ZYG11B: variants seen among roughly 807,000 people sequenced by gnomAD.
ZYG11B encodes protein zyg-11 homolog B.
ZYG11B carries 36 observed loss-of-function variants against 82.4 expected under a neutral mutation model. The ratio of observed to expected loss-of-function variants is 0.44; its 90% CI spans 0.33 to 0.58. The LOEUF (loss-of-function observed/expected upper bound fraction) is 0.58, where lower values mean the gene tolerates loss of function less well. Among genes scored for constraint, ZYG11B ranks in the 20% least tolerant of loss-of-function variants. The pLI, the probability that ZYG11B is intolerant of heterozygous loss-of-function variation, is 0.02. For missense variants in ZYG11B, 552 were observed against 895.6 expected, an observed-to-expected ratio of 0.62 and a Z score of 4.90; for synonymous variants, 303 against 312.8, an observed-to-expected ratio of 0.97 and a Z score of 0.33.
rs368771628 is a variant in ZYG11B, at chr1:52,744,839, TCA to T, written c.31-11618_31-11617del. Among the ~76,000 whole-genome samples the T allele has an allele frequency of 9.2e-4, 140 of 151,992 alleles. 1 individual carries two copies. Among genetic ancestry groups the T allele is most frequent in the African/African-American group, 3.3e-3 (138 of 41,476 alleles). On this transcript the variant is annotated intron_variant, in intron 1 of 13. Coordinates refer to ENST00000294353, the MANE Select transcript of ZYG11B (RefSeq NM_024646.3). ...CAGCCTGGCAGAGCGAGACTCCATA[TCA>T]AAAAAAAAATATATTTCTAGAGAAG...
intron 2 of ZYG11B, among the ~76,000 whole-genome samples, chr1:52,762,195 C>T (rs1233795775): frequency 6.8e-6 from 1 of 147,000 alleles, no homozygotes; most frequent in African/African-American, 2.5e-5. Flanking sequence ...TGTCTATGTT[C>T]GTTTTTGTTG....
chr1:52,796,868 T>C (rs1645010554), intron 8 of ZYG11B, 84 bp downstream of exon 8: 2 of 169,256 alleles, frequency 1.2e-5, no homozygotes, highest in Non-Finnish European at 2.2e-5. Context: ...TCTGACATTT[T>C]TTATATATAT....
intron 2 of ZYG11B, among the ~76,000 whole-genome samples, chr1:52,765,789 C>T (rs1411586057): frequency 3.9e-5 from 6 of 152,142 alleles, no homozygotes; most frequent in Non-Finnish European, 7.4e-5. Flanking sequence ...AAGCATGAGC[C>T]ACTGTGCCTG....
chr1:52,745,751 A>G (rs760651585), intron 1 of ZYG11B, among the ~76,000 whole-genome samples: 42 of 151,648 alleles, frequency 2.8e-4, no homozygotes, highest in Admixed American at 4.6e-4. Context: ...TTTAGTAGAG[A>G]TGGGGTTTCA....
intron 6 of ZYG11B, 23 bp downstream of exon 6, chr1:52,790,090 A>C: frequency 6.5e-7 from 1 of 1,528,144 alleles, no homozygotes; most frequent in East Asian, 2.3e-5. Context: ...TCTAGAACTT[A>C]AAGTGGGGCA....
intron 12 of ZYG11B, 47 bp from the exon 13 acceptor site, chr1:52,816,485 C>T (rs370199175): frequency 9.7e-6 from 13 of 1,337,974 alleles, no homozygotes; most frequent in African/African-American, 3.0e-5. Flanking sequence ...TAGGAAATTA[C>T]GCTAAATATG....
chr1:52,796,495 T>A (rs917294883), intron 7 of ZYG11B, 104 bp downstream of exon 7: 2 of 1,032,718 alleles, frequency 1.9e-6, no homozygotes, highest in East Asian at 2.6e-5. Context: ...TAAATCTCTC[T>A]GCCAGCCTGC....
rs1293809937 is a variant in ZYG11B at position 52,776,229 on chromosome 1, A to AATATATATATATATATATATATATAT, written c.952-3608_952-3607insATATATATATATATATATATATATAT. Among the ~76,000 whole-genome samples the AATATATATATATATATATATATATAT allele has an allele frequency of 4.0e-3, 93 of 23,502 alleles. 11 individuals carry two copies. The highest frequency in any genetic ancestry group is 0.012 in the South Asian group (5 of 422). 15.4% of individuals were successfully genotyped at this position (23,502 alleles called of 152,430 possible). A position where few individuals can be genotyped will look rare whatever the true frequency, so the allele number is the denominator to read the frequency against. ...AGCAAAACTCTGTCTTAAAAAAAAA[A>AATATATATATATATATATATATATAT]ATATATATATATATATGCAATAAAG... is the stretch of plus-strand genomic sequence containing the variant. On this transcript the variant is annotated intron_variant, in intron 3 of 13. Transcript: ENST00000294353.
chr1:52,817,777 G>GTATATATATATATATA (rs869260265), intron 13 of ZYG11B, among the ~76,000 whole-genome samples: 10 of 41,538 alleles, frequency 2.4e-4, no homozygotes, highest in South Asian at 9.9e-4. Flanking sequence ...ATATATATGT[G>GTATATATATATATATA]TATATATATA....
rs1644755163 is a variant in ZYG11B, at chr1:52,771,920, A to C, written c.951+146A>C. 3 of 1,004,154 alleles carry C rather than the reference A, an allele frequency of 3.0e-6. No individual in the cohort carries two copies. The highest frequency in any genetic ancestry group is 4.3e-6 in the Non-Finnish European group (3 of 694,252). The allele number at this position is 1,004,154 out of a possible 1,614,324, so 62.2% of individuals were successfully genotyped here. ...TTGAAAGGCTTAGAGTCCTAATTAA[A>C]ATCTCAGCTTCATGACCCAGAACAA... is the stretch of plus-strand genomic sequence containing the variant. On this transcript the variant is annotated intron_variant, in intron 3 of 13. Transcript: ENST00000294353. This position sits in a 1 kb window ranked among gnomAD's most constrained non-coding sequence, Gnocchi z 5.4.
intron 2 of ZYG11B, among the ~76,000 whole-genome samples, chr1:52,770,703 G>A (rs1388602982): frequency 1.3e-5 from 2 of 152,182 alleles, no homozygotes; most frequent in Admixed American, 6.5e-5. Context: ...TAGGCACATG[G>A]CTCCAGCTAA....
intron 10 of ZYG11B, among the ~76,000 whole-genome samples, chr1:52,803,269 C>T (rs1162410770): frequency 9.7e-6 from 1 of 102,740 alleles, no homozygotes; most frequent in Non-Finnish European, 1.9e-5. Flanking sequence ...TATATATACA[C>T]ACACACACAC....
At chr1:52,800,818 T>G (rs982204864) in intron 8 of ZYG11B, among the ~76,000 whole-genome samples, 4 of 151,480 alleles carry the variant, frequency 2.6e-5, no homozygotes, top group African/African-American at 9.7e-5. Flanking sequence ...CCAAAAAAAT[T>G]AAAAAAAAGG....
rs201241218 is a variant in ZYG11B at position 52,751,416 on chromosome 1, G to A, written c.31-5042G>A. Among the ~76,000 whole-genome samples, 16 of 151,600 alleles carry A rather than the reference G, an allele frequency of 1.1e-4. No individual in the cohort carries two copies. In the East Asian group the frequency reaches 3.1e-3, roughly 30 times the overall value. Reference sequence around the variant, plus strand: ...AGGCCGAGGCGGGCAGATCACTTGAGGTCAGGAATTTGAGACCAGCCTGGC... The same window carrying A: ...AGGCCGAGGCGGGCAGATCACTTGAAGTCAGGAATTTGAGACCAGCCTGGC... On this transcript the variant is annotated intron_variant, in intron 1 of 13. Transcript: ENST00000294353.
Position 52,825,827 on chromosome 1 carries a change from C to G in ZYG11B, c.*4198C>G, listed in dbSNP as rs1645320845. On this transcript the variant is annotated 3_prime_UTR_variant, in exon 14 of 14. Transcript: ENST00000294353. ...TAGCTGTGTTTTTAATTATGCCATG[C>G]ATCAACATAACACCGGGCCATCTTC... The G allele has an allele frequency of 6.6e-6, 1 of 152,096 alleles. No individual in the cohort carries two copies. Among genetic ancestry groups the G allele is most frequent in the Non-Finnish European group, 1.5e-5 (1 of 68,034 alleles). 9.4% of individuals were successfully genotyped at this position (152,096 alleles called of 1,614,324 possible). A position where few individuals can be genotyped will look rare whatever the true frequency, so the allele number is the denominator to read the frequency against.
intron 2 of ZYG11B, among the ~76,000 whole-genome samples, chr1:52,767,596 C>T (rs897937363): frequency 2.0e-4 from 30 of 152,296 alleles, no homozygotes; most frequent in African/African-American, 6.5e-4. Context: ...AGCCACTATG[C>T]CCAGCCAGAT....
chr1:52,799,793 TCAAAA>T (rs1433709503), intron 8 of ZYG11B, among the ~76,000 whole-genome samples: 1 of 151,672 alleles, frequency 6.6e-6, no homozygotes, highest in Non-Finnish European at 1.5e-5. Context: ...AGACTCCGTC[TCAAAA>T]AAAGAAGAAA....
At chr1:52,797,040 TAAA>T (rs1645020191) in intron 8 of ZYG11B, among the ~76,000 whole-genome samples, 67 of 92,532 alleles carry the variant, frequency 7.2e-4, no homozygotes, top group African/African-American at 2.9e-3. Flanking sequence ...TTTATATATA[TAAA>T]TTTTTATATA....
intron 1 of ZYG11B, among the ~76,000 whole-genome samples, chr1:52,732,743 G>C (rs760089931): frequency 2.0e-5 from 3 of 151,000 alleles, no homozygotes; most frequent in Non-Finnish European, 4.4e-5. Flanking sequence ...CCAGCCTGGC[G>C]ACAGAGCAAG....
Sources: gnomAD v4.1 joint callset for allele counts (sites outside exome capture counted in the v4.1 genomes callset) on GRCh38, gnomAD v4.1.1 for gene constraint, Gnocchi (gnomAD v3.1) non-coding constraint, MANE v1.5 for transcripts, NCBI Gene and HGNC (gene_info 2026-07-23, HGNC 2026-07-21) for gene names.